The following SIRPD variants were observed in gnomAD, a reference collection of about 807,000 sequenced individuals.
SIRPD encodes signal regulatory protein delta.
SIRPD carries 21 observed loss-of-function variants against 18.0 expected under a neutral mutation model. The observed-to-expected ratio is 1.17, with a 90% CI of 0.83 to 1.68. The LOEUF (loss-of-function observed/expected upper bound fraction) is 1.68, where lower values mean the gene tolerates loss of function less well. Ranked by LOEUF, SIRPD falls within the 40% of genes most tolerant of loss-of-function variation. The probability of loss-of-function intolerance (pLI) is 0.00; values close to 1 mark genes in which losing one functional copy is unlikely to be tolerated. For synonymous variants in SIRPD, 106 were observed against 92.9 expected (o/e 1.14, Z -0.81); for missense variants, 295 against 238.4 (o/e 1.24, Z -1.56).
At chr20:1,550,022 C>A (rs552782767) in intron 2 of SIRPD, among the ~76,000 whole-genome samples, 4 of 152,268 alleles carry the variant, frequency 2.6e-5, no homozygotes, top group African/African-American at 7.2e-5. Context: ...AGCTGTCATG[C>A]ACTCCTATAT....
intron 3 of SIRPD, 128 bp from the exon 4 acceptor site, chr20:1,534,569 T>TTCAACATA (rs2090937462): frequency 1.0e-6 from 1 of 958,362 alleles, no homozygotes; most frequent in East Asian, 2.6e-5. Flanking sequence ...GTTGCTAAGG[T>TTCAACATA]TGTGGTGAGG....
chr20:1,548,003 T>C (rs1487114764), intron 2 of SIRPD, among the ~76,000 whole-genome samples: 1 of 152,250 alleles, frequency 6.6e-6, no homozygotes, highest in Non-Finnish European at 1.5e-5. Context: ...GGATTTTCTA[T>C]GTACAAGAAC....
intron 3 of SIRPD, 54 bp from the exon 4 acceptor site, chr20:1,534,495 A>G (rs1224376416): frequency 1.4e-5 from 21 of 1,514,978 alleles, no homozygotes; most frequent in Non-Finnish European, 5.4e-6. Context: ...CCTGCAAGCT[A>G]AGAGCAGACA....
At chr20:1,549,146 C>T (rs1187194450) in intron 2 of SIRPD, among the ~76,000 whole-genome samples, 2 of 151,946 alleles carry the variant, frequency 1.3e-5, no homozygotes, top group Non-Finnish European at 2.9e-5. Context: ...ATTTTTCTTT[C>T]AATTGTTGTA....
chr20:1,554,711 A>C (rs1180020889), intron 1 of SIRPD, among the ~76,000 whole-genome samples: 1 of 152,174 alleles, frequency 6.6e-6, no homozygotes, highest in Non-Finnish European at 1.5e-5. Context: ...AGTGACCTGC[A>C]TATGGAGGCA....
intron 1 of SIRPD, 55 bp downstream of exon 1, chr20:1,557,526 A>T (rs2091046832): frequency 7.2e-7 from 1 of 1,397,414 alleles, no homozygotes; most frequent in Non-Finnish European, 9.5e-7. Flanking sequence ...GGGAGAGTTC[A>T]CTAAACAGGC....
chr20:1,538,704 G>C (rs992218305), intron 2 of SIRPD, among the ~76,000 whole-genome samples: 1 of 152,140 alleles, frequency 6.6e-6, no homozygotes, highest in Non-Finnish European at 1.5e-5. Flanking sequence ...CACATTGCAG[G>C]GACACATGTA....
intron 1 of SIRPD, among the ~76,000 whole-genome samples, chr20:1,556,934 A>G (rs895571227): frequency 1.3e-5 from 2 of 152,204 alleles, no homozygotes; most frequent in East Asian, 3.8e-4. Context: ...GAAATAAAAA[A>G]CTGAATTTCA....
intron 1 of SIRPD, among the ~76,000 whole-genome samples, chr20:1,555,397 A>G (rs1369942493): frequency 6.6e-6 from 1 of 152,242 alleles, no homozygotes; most frequent in East Asian, 1.9e-4. Flanking sequence ...GTAGTTAGAC[A>G]TGAGGAATAG....
intron 2 of SIRPD, among the ~76,000 whole-genome samples, chr20:1,549,897 A>G (rs118183563): frequency 1.0e-3 from 155 of 152,318 alleles, no homozygotes; most frequent in South Asian, 4.8e-3. Context: ...TTTTAAAAAC[A>G]TATGTATACA....
intron 2 of SIRPD, among the ~76,000 whole-genome samples, chr20:1,547,246 CATT>C (rs2090997571): frequency 6.6e-6 from 1 of 152,110 alleles, no homozygotes; most frequent in Non-Finnish European, 1.5e-5. Flanking sequence ...GTTGTTTCAG[CATT>C]ATTTGTTGAA....
Position 1,557,649 on chromosome 20 carries a change from G to C in SIRPD, c.5C>G (p.Pro2Arg). The change falls in exon 1 of 4, where the codon CCC becomes CGC. Residue 2 changes from proline to arginine, a missense_variant. Transcript: ENST00000381623. Reference sequence around the variant, plus strand: ...TGGGTGGAGTGGGGAGGCAGGGATGGGCATTGTGGTGAAACCTGGAGCTTG... The same window carrying C: ...TGGGTGGAGTGGGGAGGCAGGGATGCGCATTGTGGTGAAACCTGGAGCTTG... M[P>R]IPASPLHPPL... is the part of the protein sequence containing the mutation. The C allele has an allele frequency of 6.2e-7, 1 of 1,611,446 alleles. No homozygotes were observed. The highest frequency in any genetic ancestry group is 8.5e-7 in the Non-Finnish European group (1 of 1,178,810).
intron 2 of SIRPD, among the ~76,000 whole-genome samples, chr20:1,550,145 T>C (rs2091012423): frequency 6.6e-6 from 1 of 152,174 alleles, no homozygotes. Context: ...GACAAGCCCA[T>C]TAACCTTTCA....
chr20:1,542,063 CAGGT>C (rs1472062849), intron 2 of SIRPD, among the ~76,000 whole-genome samples: 2 of 152,166 alleles, frequency 1.3e-5, no homozygotes, highest in Non-Finnish European at 2.9e-5. Context: ...AGTTTGAAGT[CAGGT>C]AGCATGATGC....
intron 3 of SIRPD, among the ~76,000 whole-genome samples, chr20:1,535,179 T>G (rs1283113890): frequency 1.3e-5 from 2 of 152,214 alleles, no homozygotes; most frequent in Non-Finnish European, 2.9e-5. Context: ...CCCCAATTTA[T>G]CATTGAGTAA....
At chr20:1,540,315 G>A in intron 2 of SIRPD, 1 of 456,000 alleles carries the variant, frequency 2.2e-6, no homozygotes, top group South Asian at 1.5e-5. Context: ...TCAGACTTCT[G>A]GCTTCTAGAA....
chr20:1,537,886 G>A (rs573909002), intron 2 of SIRPD, among the ~76,000 whole-genome samples: 5 of 152,080 alleles, frequency 3.3e-5, no homozygotes, highest in Non-Finnish European at 4.4e-5. Context: ...TGTGTCAAGC[G>A]GGGGGTGCAG....
At chr20:1,554,489 G>A (rs982023650) in intron 1 of SIRPD, among the ~76,000 whole-genome samples, 1 of 152,092 alleles carries the variant, frequency 6.6e-6, no homozygotes, top group Non-Finnish European at 1.5e-5. Context: ...ACAAATAGGA[G>A]AATGACACTT....
intron 2 of SIRPD, among the ~76,000 whole-genome samples, chr20:1,543,981 G>A (rs1427182410): frequency 6.6e-6 from 1 of 152,164 alleles, no homozygotes; most frequent in Non-Finnish European, 1.5e-5. Context: ...CTGAGAGACT[G>A]TTATGATTTC....
Sources: gnomAD v4.1 joint callset for allele counts (sites outside exome capture counted in the v4.1 genomes callset) on GRCh38, gnomAD v4.1.1 for gene constraint, MANE v1.5 for transcripts, NCBI Gene and HGNC (gene_info 2026-07-23, HGNC 2026-07-21) for gene names.